Variants in EYS observed in about 807,000 individuals in gnomAD.
EYS encodes the protein protein eyes shut homolog.
A neutral mutation model predicts 282.1 loss-of-function variants in EYS; 250 were observed. The ratio of observed to expected loss-of-function variants is 0.89; its 90% CI spans 0.80 to 0.98. The LOEUF is 0.98. Ranked by LOEUF, EYS falls within the 50% of genes least tolerant of loss-of-function variation. The pLI is 0.00. For missense variants in EYS, 4,016 were observed against 3,709.0 expected (o/e 1.08, Z -2.15); for synonymous variants, 1,355 against 1,282.9 (o/e 1.06, Z -1.20).
chr6:64,648,274 A>T (rs1160722733), intron 22 of EYS, among the ~76,000 whole-genome samples: 1 of 152,182 alleles, frequency 6.6e-6, no homozygotes, highest in Non-Finnish European at 1.5e-5. Flanking sequence ...GCCTCGAGGT[A>T]ACCACACTGC....
At chr6:64,898,870 A>G (rs1310040597) in intron 18 of EYS, among the ~76,000 whole-genome samples, 1 of 152,034 alleles carries the variant, frequency 6.6e-6, no homozygotes, top group African/African-American at 2.4e-5. Context: ...AGGGCATTAC[A>G]TAACGGTAAA....
At chr6:65,394,162 T>A (rs1040367862) in intron 7 of EYS, among the ~76,000 whole-genome samples, 3 of 152,090 alleles carry the variant, frequency 2.0e-5, no homozygotes, top group African/African-American at 7.2e-5. Flanking sequence ...AAAAATTTGA[T>A]CCTCCTGATA....
intron 24 of EYS, among the ~76,000 whole-genome samples, chr6:64,609,387 G>C (rs1395440399): frequency 6.6e-6 from 1 of 152,112 alleles, no homozygotes; most frequent in Non-Finnish European, 1.5e-5. Flanking sequence ...AAGACACACA[G>C]CCAGAATTTT....
rs549456693 is a variant in EYS at position 65,295,886 on chromosome 6, C to A, written c.2000G>T (p.Arg667Leu). Residue 667 changes from arginine (R) to leucine (L), a missense_variant, in exon 12 of 43, where the codon CGC (arginine) becomes CTC (leucine). Coordinates refer to ENST00000503581, the MANE Select transcript of EYS (RefSeq NM_001142800.2). Reference protein sequence around the residue: ...TSTHLRGYFFRKCVPGFKGTQ... With the variant: ...TSTHLRGYFFLKCVPGFKGTQ... ...GCCTTTAAATCCTGGGACACACTTG[C>A]GGAAGAAATATCCCCTTAAATGTGT... 42 of 1,547,512 alleles carry A rather than the reference C, an allele frequency of 2.7e-5. No homozygotes were observed. Among genetic ancestry groups the A allele is most frequent in the Non-Finnish European group, 2.9e-5 (33 of 1,145,180 alleles).
chr6:64,054,202 A>G (rs1770907391), intron 33 of EYS, among the ~76,000 whole-genome samples: 1 of 152,202 alleles, frequency 6.6e-6, no homozygotes, highest in Non-Finnish European at 1.5e-5. Context: ...CAAAAAATCA[A>G]TAGAAAAATC....
intron 12 of EYS, among the ~76,000 whole-genome samples, chr6:65,186,031 C>A (rs1479644956): frequency 6.6e-6 from 1 of 151,400 alleles, no homozygotes; most frequent in Non-Finnish European, 1.5e-5. Context: ...TAGTTCCCTA[C>A]AATTCCCGAA....
chr6:63,757,548 C>T (rs1388905129), intron 41 of EYS, among the ~76,000 whole-genome samples: 2 of 152,044 alleles, frequency 1.3e-5, no homozygotes, highest in East Asian at 3.9e-4. Context: ...TGACCTACTC[C>T]CTGTTCATAC....
At chr6:64,008,905 A>T (rs549779112) in intron 33 of EYS, among the ~76,000 whole-genome samples, 2 of 152,174 alleles carry the variant, frequency 1.3e-5, no homozygotes, top group African/African-American at 4.8e-5. Flanking sequence ...CACACTTTTA[A>T]TGTATTTCAA....
At chr6:63,940,481 C>T (rs1415618225) in intron 35 of EYS, among the ~76,000 whole-genome samples, 1 of 152,020 alleles carries the variant, frequency 6.6e-6, no homozygotes, top group East Asian at 1.9e-4. Flanking sequence ...CATTATATGA[C>T]AACTTAAAGC....
rs1769378168 is a variant in EYS, at chr6:64,948,607, ATAT to A, written c.2260-2696_2260-2694del. On this transcript the variant is annotated intron_variant, in intron 14 of 42. Transcript: ENST00000503581. The stretch of plus-strand genomic sequence containing the variant: ...TTAAGTAATTATTAAATATTAAATA[ATAT>A]TAAATAATAGTAAATACTAGTATTA... Among the ~76,000 whole-genome samples, 6 of 147,158 alleles carry A rather than the reference ATAT, an allele frequency of 4.1e-5. 1 individual carries two copies. In the South Asian group the frequency reaches 1.0e-3, roughly 26 times the overall value.
At chr6:64,927,672 A>G (rs1158142540) in intron 15 of EYS, among the ~76,000 whole-genome samples, 1 of 152,052 alleles carries the variant, frequency 6.6e-6, no homozygotes, top group Non-Finnish European at 1.5e-5. Flanking sequence ...TCTGCTAATA[A>G]CATGTCATTT....
chr6:64,574,472 T>C (rs1765820264), intron 26 of EYS, among the ~76,000 whole-genome samples: 1 of 152,122 alleles, frequency 6.6e-6, no homozygotes, highest in Non-Finnish European at 1.5e-5. Flanking sequence ...TGTGGTTGAA[T>C]ACAAGAACCA....
At chr6:64,549,141 A>C (rs1582881957) in intron 26 of EYS, among the ~76,000 whole-genome samples, 1 of 152,172 alleles carries the variant, frequency 6.6e-6, no homozygotes, top group African/African-American at 2.4e-5. Context: ...AGCATCTTAC[A>C]CTTAGTTATT....
At chr6:65,460,924 T>C (rs758533924) in intron 5 of EYS, among the ~76,000 whole-genome samples, 6 of 152,280 alleles carry the variant, frequency 3.9e-5, no homozygotes, top group South Asian at 2.1e-4. Context: ...TAAGGAAGTT[T>C]ACTAAATGAT....
At chr6:64,871,626 T>C (rs1178415041) in intron 19 of EYS, among the ~76,000 whole-genome samples, 2 of 152,028 alleles carry the variant, frequency 1.3e-5, no homozygotes, top group African/African-American at 4.8e-5. Context: ...GTCTGCTCTC[T>C]TGGAGTCAAA....
At chr6:64,657,811 GT>G (rs1448901689) in intron 22 of EYS, among the ~76,000 whole-genome samples, 1 of 152,000 alleles carries the variant, frequency 6.6e-6, no homozygotes, top group Non-Finnish European at 1.5e-5. Context: ...TTCAACTTTG[GT>G]GAATCTGACA....
chr6:65,683,124 T>C (rs779132818), intron 1 of EYS, among the ~76,000 whole-genome samples: 1 of 151,998 alleles, frequency 6.6e-6, no homozygotes, highest in Non-Finnish European at 1.5e-5. Context: ...TCTTTACCCA[T>C]GGTGTATTCA....
intron 2 of EYS, among the ~76,000 whole-genome samples, chr6:65,505,157 C>A (rs1766609060): frequency 6.6e-6 from 1 of 151,744 alleles, no homozygotes; most frequent in South Asian, 2.1e-4. Context: ...AGAAATTTGT[C>A]TATTTTATCA....
intron 1 of EYS, among the ~76,000 whole-genome samples, chr6:65,685,368 C>T (rs183144334): frequency 1.4e-3 from 210 of 152,102 alleles, no homozygotes; most frequent in Non-Finnish European, 1.6e-3. Flanking sequence ...AAAGAAGCTA[C>T]GACTACGACA....
Sources: gnomAD v4.1 joint callset for allele counts (sites outside exome capture counted in the v4.1 genomes callset) on GRCh38, gnomAD v4.1.1 for gene constraint, MANE v1.5 for transcripts, NCBI Gene and HGNC (gene_info 2026-07-23, HGNC 2026-07-21) for gene names.